The following HBS1L variants were observed in gnomAD, a reference collection of about 807,000 sequenced individuals.
The protein encoded by HBS1L is HBS1-like protein.
HBS1L carries 55 observed loss-of-function variants against 88.9 expected under a neutral mutation model. That is an observed-to-expected ratio of 0.62 (90% confidence interval 0.50 to 0.77). The LOEUF (loss-of-function observed/expected upper bound fraction) is 0.77, where lower values mean the gene tolerates loss of function less well. Among genes scored for constraint, HBS1L ranks in the 30% least tolerant of loss-of-function variants. HBS1L has a pLI of 0.00. For missense variants in HBS1L, 741 were observed against 829.3 expected (o/e 0.89, Z 1.31); for synonymous variants, 267 against 288.5 (o/e 0.93, Z 0.76).
intron 5 of HBS1L, among the ~76,000 whole-genome samples, chr6:134,999,533 C>T (rs781546968): frequency 6.7e-5 from 10 of 149,562 alleles, no homozygotes; most frequent in East Asian, 3.9e-4. Flanking sequence ...CTGCAACCTC[C>T]GCCTCCCAGG....
chr6:135,031,097 G>C (rs1258788691), intron 4 of HBS1L, among the ~76,000 whole-genome samples: 1 of 152,052 alleles, frequency 6.6e-6, no homozygotes, highest in African/African-American at 2.4e-5. Context: ...TAAGTGTAGT[G>C]CTTAGTATTC....
intron 4 of HBS1L, among the ~76,000 whole-genome samples, chr6:135,033,725 G>A (rs1047929645): frequency 6.6e-6 from 1 of 152,120 alleles, no homozygotes; most frequent in Non-Finnish European, 1.5e-5. Flanking sequence ...ATTTCCACTT[G>A]AAAATTACTT....
chr6:135,042,486 A>G (rs1583155575), intron 2 of HBS1L, among the ~76,000 whole-genome samples: 2 of 152,132 alleles, frequency 1.3e-5, no homozygotes, highest in African/African-American at 2.4e-5. Flanking sequence ...TTCAAACCAA[A>G]TATCAAACTT....
At chr6:135,020,243 T>C (rs886191226) in intron 4 of HBS1L, among the ~76,000 whole-genome samples, 3 of 151,838 alleles carry the variant, frequency 2.0e-5, no homozygotes. Context: ...TTTAACAGCA[T>C]TTGCTCCTTA....
In HBS1L at chr6:135,050,592, C is replaced by T. The variant is rs907390537; in HGVS notation, c.99G>A (p.Ser33=). 2.0e-5 allele frequency: 32 copies of T among 1,591,166 alleles called. No homozygotes were observed. The East Asian group carries it at 3.1e-4, about 16-fold the overall frequency. The change falls in exon 2 of 18, where the codon TCG becomes TCA. Residue 33 remains serine (S), a synonymous_variant. Transcript: ENST00000367837. ...TTTTTAAAAATTCACCTGTTGACGG[C>T]GAAATACAATAATCATCCTCTACAG... The part of the protein sequence containing the change: ...GQSVEDDYCI[S]PSTAAQFIYS...
intron 15 of HBS1L, among the ~76,000 whole-genome samples, chr6:134,972,305 A>G (rs1023354274): frequency 1.3e-5 from 2 of 152,208 alleles, no homozygotes; most frequent in African/African-American, 4.8e-5. Context: ...TAACAAATAC[A>G]TAGTCAATTG....
chr6:135,030,711 T>A (rs764335090), intron 4 of HBS1L, among the ~76,000 whole-genome samples: 1 of 151,744 alleles, frequency 6.6e-6, no homozygotes, highest in Non-Finnish European at 1.5e-5. Context: ...GATGTAACAA[T>A]AAAGAGGAAA....
chr6:135,036,355 C>G (rs2114893042), intron 4 of HBS1L: 1 of 1,241,612 alleles, frequency 8.1e-7, no homozygotes, highest in Non-Finnish European at 1.0e-6. Context: ...GTATAGGTTA[C>G]CAACTTAAAT....
chr6:135,021,201 T>C (rs557207694), intron 4 of HBS1L, among the ~76,000 whole-genome samples: 64 of 152,198 alleles, frequency 4.2e-4, no homozygotes, highest in Middle Eastern at 6.8e-3. Flanking sequence ...ATAAAGAATT[T>C]AGTACATTTG....
At chr6:135,053,331 C>A (rs1381852517) in intron 1 of HBS1L, among the ~76,000 whole-genome samples, 1 of 152,130 alleles carries the variant, frequency 6.6e-6, no homozygotes, top group African/African-American at 2.4e-5. Context: ...TTTTAGACCA[C>A]CCTCAAATAT....
chr6:135,046,073 C>T (rs1776903613), intron 2 of HBS1L, among the ~76,000 whole-genome samples: 1 of 152,086 alleles, frequency 6.6e-6, no homozygotes, highest in Non-Finnish European at 1.5e-5. Context: ...CTTTCCTAGC[C>T]CTCTTTCCTC....
intron 4 of HBS1L, among the ~76,000 whole-genome samples, chr6:135,033,000 CA>C (rs1454301982): frequency 6.6e-6 from 1 of 151,990 alleles, no homozygotes; most frequent in African/African-American, 2.4e-5. Context: ...CAATTTATTG[CA>C]AGAAGAATCA....
intron 4 of HBS1L, among the ~76,000 whole-genome samples, chr6:135,008,365 G>A (rs1775671613): frequency 6.6e-6 from 1 of 152,204 alleles, no homozygotes; most frequent in African/African-American, 2.4e-5. Context: ...TCACCTTAGT[G>A]GCAAAGCTTG....
At chr6:135,053,425 G>T (rs1486893053) in intron 1 of HBS1L, among the ~76,000 whole-genome samples, 1 of 152,084 alleles carries the variant, frequency 6.6e-6, no homozygotes, top group Non-Finnish European at 1.5e-5. Context: ...AACTATTAAA[G>T]AAATGAATGA....
intron 4 of HBS1L, among the ~76,000 whole-genome samples, chr6:135,023,172 C>T (rs934736926): frequency 2.6e-5 from 4 of 151,970 alleles, no homozygotes; most frequent in African/African-American, 9.7e-5. Context: ...TGGCCGGGCA[C>T]ACTGGCTCAC....
At chr6:135,036,496 C>A (rs1350744878) in intron 4 of HBS1L, 20 of 1,385,178 alleles carry the variant, frequency 1.4e-5, no homozygotes, top group Non-Finnish European at 1.9e-5. Context: ...TAAAGTGATC[C>A]TCTGAAGACT....
intron 15 of HBS1L, 124 bp from the exon 16 acceptor site, chr6:134,969,462 T>G: frequency 1.5e-6 from 1 of 659,980 alleles, no homozygotes; most frequent in Middle Eastern, 3.7e-4. Context: ...GGATCTCCAG[T>G]TGCTTCCTCT....
Position 135,002,612 on chromosome 6 carries a change from T to C in HBS1L, c.539+122A>G, listed in dbSNP as rs988074468. Reference sequence around the variant, plus strand: ...TGTACTATGTTATACTGAGGATATATGATACTTCAGTGCTAATGATATATT... The same window carrying C: ...TGTACTATGTTATACTGAGGATATACGATACTTCAGTGCTAATGATATATT... On this transcript the variant is annotated intron_variant, in intron 5 of 17. Coordinates refer to ENST00000367837, the MANE Select transcript of HBS1L (RefSeq NM_006620.4). 4 of 622,836 alleles carry C rather than the reference T, an allele frequency of 6.4e-6. No homozygotes were observed. In the East Asian group the frequency reaches 8.7e-5, roughly 13 times the overall value. 38.6% of individuals were successfully genotyped at this position (622,836 alleles called of 1,614,324 possible). A position where few individuals can be genotyped will look rare whatever the true frequency, so the allele number is the denominator to read the frequency against.
chr6:135,043,921 G>C (rs550565472), intron 2 of HBS1L, among the ~76,000 whole-genome samples: 1 of 152,006 alleles, frequency 6.6e-6, no homozygotes, highest in Non-Finnish European at 1.5e-5. Context: ...TCAAAGTTTT[G>C]CATCACTGCA....
Sources: allele counts gnomAD v4.1 joint callset (sites outside exome capture counted in the v4.1 genomes callset), GRCh38; gene constraint gnomAD v4.1.1; transcripts MANE v1.5; gene names NCBI Gene and HGNC (gene_info 2026-07-23, HGNC 2026-07-21).